Variants in MLLT3 observed in about 807,000 individuals in gnomAD.
MLLT3 encodes the protein MLLT3 super elongation complex subunit.
Under a neutral mutation model 53.2 loss-of-function variants are expected in MLLT3, and 4 were observed. The observed-to-expected ratio is 0.08, with a 90% CI of 0.04 to 0.17. MLLT3 has a LOEUF of 0.17. Among genes scored for constraint, MLLT3 ranks in the 10% least tolerant of loss-of-function variants. The probability of loss-of-function intolerance (pLI) is 1.00; values close to 1 mark genes in which losing one functional copy is unlikely to be tolerated. For missense variants in MLLT3, 569 were observed against 684.0 expected, an observed-to-expected ratio of 0.83 and a Z score of 1.87; for synonymous variants, 283 against 230.6, an observed-to-expected ratio of 1.23 and a Z score of -2.06.
chr9:20,435,935 A>T (rs892325015), intron 4 of MLLT3, among the ~76,000 whole-genome samples: 3 of 152,132 alleles, frequency 2.0e-5, no homozygotes, highest in Non-Finnish European at 4.4e-5. Context: ...GTGGAATATG[A>T]CTATAAAGAG....
At chr9:20,379,527 T>C (rs116575884) in intron 5 of MLLT3, among the ~76,000 whole-genome samples, 1,872 of 152,148 alleles carry the variant, frequency 0.012, 39 homozygotes, top group African/African-American at 0.042. Flanking sequence ...ATCATTTGAG[T>C]CTCAATATTG....
rs1586945055 is a variant in MLLT3, at chr9:20,432,318, T to C, written c.420+15805A>G. Among the ~76,000 whole-genome samples the C allele has an allele frequency of 3.3e-5, 5 of 152,300 alleles. No homozygotes were observed. In the East Asian group the frequency reaches 9.6e-4, roughly 29 times the overall value. Reference sequence around the variant, plus strand: ...AGAGACAGAGTTTGATTATATAGTATTATAGTTCTACTGACAGGAGTTAAA... The same window carrying C: ...AGAGACAGAGTTTGATTATATAGTACTATAGTTCTACTGACAGGAGTTAAA... On this transcript the variant is annotated intron_variant, in intron 4 of 10. Coordinates refer to ENST00000380338, the MANE Select transcript of MLLT3 (RefSeq NM_004529.4).
chr9:20,535,746 T>G (rs1818465796), intron 2 of MLLT3, among the ~76,000 whole-genome samples: 1 of 152,168 alleles, frequency 6.6e-6, no homozygotes, highest in East Asian at 1.9e-4. Flanking sequence ...TCAGGAGACA[T>G]TAGCTGATCC....
chr9:20,518,482 G>C (rs534714597), intron 2 of MLLT3, among the ~76,000 whole-genome samples: 10 of 152,174 alleles, frequency 6.6e-5, no homozygotes, highest in Non-Finnish European at 1.5e-4. Flanking sequence ...CAGGCAAAAT[G>C]CAAGAATGGA....
rs147956687 is a variant in MLLT3 at position 20,478,107 on chromosome 9, G to C, written c.194-21321C>G. On this transcript the variant is annotated intron_variant, in intron 2 of 10. Coordinates refer to ENST00000380338, the MANE Select transcript of MLLT3 (RefSeq NM_004529.4). ...TGGGGCTTAGTGTCGCTGTGTTTCAGGCATGACAAGAACTTGGGTAGATCC... is the reference window on the plus strand; with the variant it reads ...TGGGGCTTAGTGTCGCTGTGTTTCACGCATGACAAGAACTTGGGTAGATCC... 1.8e-3 allele frequency among the ~76,000 whole-genome samples: 275 copies of C among 152,118 alleles called. 3 individuals carry two copies. Among genetic ancestry groups the C allele is most frequent in the African/African-American group, 6.2e-3 (257 of 41,500 alleles).
chr9:20,566,115 T>C (rs1273388996), intron 2 of MLLT3, among the ~76,000 whole-genome samples: 1 of 147,052 alleles, frequency 6.8e-6, no homozygotes, highest in African/African-American at 2.5e-5. Context: ...TTTCATCACA[T>C]GGAATTAACC....
intron 8 of MLLT3, among the ~76,000 whole-genome samples, chr9:20,356,710 T>C (rs986603256): frequency 6.2e-4 from 94 of 152,344 alleles, no homozygotes; most frequent in African/African-American, 2.2e-3. Flanking sequence ...GTATTTGCAA[T>C]AGAACTTTGC....
chr9:20,514,521 T>TA (rs1019654119), intron 2 of MLLT3, among the ~76,000 whole-genome samples: 59 of 152,210 alleles, frequency 3.9e-4, no homozygotes, highest in African/African-American at 1.4e-3. Context: ...TTTTTATTTT[T>TA]TTTTTGGTGG....
intron 2 of MLLT3, among the ~76,000 whole-genome samples, chr9:20,581,057 G>C (rs1472234813): frequency 1.3e-5 from 2 of 152,154 alleles, no homozygotes; most frequent in African/African-American, 4.8e-5. Flanking sequence ...CGTTTATTTT[G>C]GTGCTTCTTT....
chr9:20,518,973 T>C (rs1182129308), intron 2 of MLLT3, among the ~76,000 whole-genome samples: 1 of 152,218 alleles, frequency 6.6e-6, no homozygotes, highest in Non-Finnish European at 1.5e-5. Context: ...AATTAACTAA[T>C]GCTTTCATTA....
In MLLT3 at chr9:20,345,001, G is replaced by C. The variant is rs557892693; in HGVS notation, c.*1442C>G. ...CTAGTAAAAACTTTGAAGATGAGCT[G>C]TTCTTACTTTTCATTTCTCCACTTA... On this transcript the variant is annotated 3_prime_UTR_variant, in exon 11 of 11. Coordinates refer to ENST00000380338, the MANE Select transcript of MLLT3 (RefSeq NM_004529.4). 1.9e-5 allele frequency: 4 copies of C among 216,210 alleles called. No individual in the cohort carries two copies. Among genetic ancestry groups the C allele is most frequent in the Non-Finnish European group, 3.7e-5 (4 of 107,374 alleles). 13.4% of individuals were successfully genotyped at this position (216,210 alleles called of 1,614,324 possible). A position where few individuals can be genotyped will look rare whatever the true frequency, so the allele number is the denominator to read the frequency against.
At chr9:20,424,830 T>C (rs1823102619) in intron 4 of MLLT3, among the ~76,000 whole-genome samples, 1 of 152,224 alleles carries the variant, frequency 6.6e-6, no homozygotes, top group Non-Finnish European at 1.5e-5. Flanking sequence ...ACCACAATAT[T>C]ACCTATACCA....
chr9:20,497,252 T>A (rs1825101033), intron 2 of MLLT3, among the ~76,000 whole-genome samples: 1 of 152,224 alleles, frequency 6.6e-6, no homozygotes, highest in African/African-American at 2.4e-5. Context: ...TTTTTTTCTA[T>A]AACTTTTCAA....
At chr9:20,545,798 C>T (rs1436574828) in intron 2 of MLLT3, among the ~76,000 whole-genome samples, 1 of 150,060 alleles carries the variant, frequency 6.7e-6, no homozygotes, top group Non-Finnish European at 1.5e-5. Context: ...ATGGGAGGAT[C>T]CCTTGAAGAC....
At chr9:20,392,029 G>A (rs1158397512) in intron 5 of MLLT3, among the ~76,000 whole-genome samples, 2 of 152,084 alleles carry the variant, frequency 1.3e-5, no homozygotes, top group African/African-American at 4.8e-5. Flanking sequence ...CTGGCGGCTT[G>A]CCACAAGAAT....
chr9:20,454,596 C>A (rs192006206), intron 3 of MLLT3, among the ~76,000 whole-genome samples: 2 of 152,312 alleles, frequency 1.3e-5, no homozygotes, highest in East Asian at 3.9e-4. Flanking sequence ...ATTGCCTATT[C>A]TTTAATTTCT....
In MLLT3 at chr9:20,376,115, T is replaced by G. The variant is rs564490982; in HGVS notation, c.1126-10371A>C. On this transcript the variant is annotated intron_variant, in intron 5 of 10. Transcript: ENST00000380338. ...AAGAAAAAAATACCATTTAATGCTT[T>G]AAATAAGCTGTTAACAGCTCTTTCT... Among the ~76,000 whole-genome samples the G allele has an allele frequency of 2.0e-5, 3 of 152,326 alleles. No individual in the cohort carries two copies. In the South Asian group the frequency reaches 6.2e-4, roughly 32 times the overall value.
At chr9:20,420,230 A>G (rs1277563205) in intron 4 of MLLT3, among the ~76,000 whole-genome samples, 1 of 152,252 alleles carries the variant, frequency 6.6e-6, no homozygotes, top group Middle Eastern at 3.2e-3. Context: ...ATAATGAACA[A>G]GGTGAAAAGA....
intron 5 of MLLT3, among the ~76,000 whole-genome samples, chr9:20,394,108 T>C (rs1822259570): frequency 6.6e-6 from 1 of 152,078 alleles, no homozygotes; most frequent in Non-Finnish European, 1.5e-5. Context: ...TTTATAGAAT[T>C]TTCACCTGTA....
Sources: gnomAD v4.1 joint callset for allele counts (sites outside exome capture counted in the v4.1 genomes callset) on GRCh38, gnomAD v4.1.1 for gene constraint, MANE v1.5 for transcripts, NCBI Gene and HGNC (gene_info 2026-07-23, HGNC 2026-07-21) for gene names.